Variants in CACNA2D3 observed in about 807,000 individuals in gnomAD.
The protein encoded by CACNA2D3 is voltage-dependent calcium channel subunit alpha-2/delta-3.
Under a neutral mutation model 160.6 loss-of-function variants are expected in CACNA2D3, and 60 were observed. That is an observed-to-expected ratio of 0.37 (90% CI 0.30 to 0.46). The LOEUF (loss-of-function observed/expected upper bound fraction) is 0.46, where lower values mean the gene tolerates loss of function less well. CACNA2D3 is among the 20% of genes least tolerant of loss of function. CACNA2D3 has a pLI of 1.00. For synonymous variants in CACNA2D3, 558 were observed against 492.9 expected (o/e 1.13, Z -1.75); for missense variants, 1,205 against 1,365.0 (o/e 0.88, Z 1.85).
At chr3:54,865,276 G>A (rs1385244913) in intron 17 of CACNA2D3, among the ~76,000 whole-genome samples, 1 of 152,186 alleles carries the variant, frequency 6.6e-6, no homozygotes, top group Non-Finnish European at 1.5e-5. Flanking sequence ...TTTTCACTTT[G>A]TATACTTTTC....
At chr3:54,336,124 T>C (rs1704371483) in intron 3 of CACNA2D3, among the ~76,000 whole-genome samples, 1 of 151,936 alleles carries the variant, frequency 6.6e-6, no homozygotes, top group Non-Finnish European at 1.5e-5. Context: ...AGGAGACTTG[T>C]CTGCAGGGCG....
At chr3:54,788,630 A>C (rs145656900) in intron 13 of CACNA2D3, among the ~76,000 whole-genome samples, 1 of 152,164 alleles carries the variant, frequency 6.6e-6, no homozygotes, top group South Asian at 2.1e-4. Context: ...TGACAACTCA[A>C]TGGACATTGA....
intron 9 of CACNA2D3, among the ~76,000 whole-genome samples, chr3:54,600,529 C>T (rs955011959): frequency 6.6e-6 from 1 of 152,078 alleles, no homozygotes; most frequent in Non-Finnish European, 1.5e-5. Context: ...ATCAGTATGC[C>T]CCGGTTGGAG....
chr3:54,318,710 T>TG (rs1553620827), intron 2 of CACNA2D3, among the ~76,000 whole-genome samples: 62 of 150,026 alleles, frequency 4.1e-4, no homozygotes, highest in Non-Finnish European at 7.4e-5. Flanking sequence ...TTTTTTTTTT[T>TG]CTGAGACAAG....
intron 4 of CACNA2D3, among the ~76,000 whole-genome samples, chr3:54,431,971 A>G (rs1273252195): frequency 6.6e-6 from 1 of 152,170 alleles, no homozygotes; most frequent in East Asian, 1.9e-4. Flanking sequence ...TATAAAATGC[A>G]TTGATAAAAT....
chr3:55,015,239 C>CA (rs1317475001), intron 34 of CACNA2D3, among the ~76,000 whole-genome samples: 3 of 152,118 alleles, frequency 2.0e-5, no homozygotes, highest in Non-Finnish European at 4.4e-5. Context: ...AGCAGTTAAA[C>CA]ATATACATGC....
intron 2 of CACNA2D3, among the ~76,000 whole-genome samples, chr3:54,246,798 A>G (rs1702090717): frequency 6.6e-6 from 1 of 152,158 alleles, no homozygotes; most frequent in Non-Finnish European, 1.5e-5. Flanking sequence ...TTAACACTGC[A>G]TGAGAACAAC....
At chr3:54,920,486 A>T (rs974732441) in intron 27 of CACNA2D3, among the ~76,000 whole-genome samples, 1 of 152,190 alleles carries the variant, frequency 6.6e-6, no homozygotes, top group Admixed American at 6.5e-5. Context: ...TAAAGCAGAA[A>T]GATAAAAGGG....
chr3:55,062,260 C>T (rs1704528889), intron 35 of CACNA2D3, among the ~76,000 whole-genome samples: 1 of 144,120 alleles, frequency 6.9e-6, no homozygotes, highest in African/African-American at 2.7e-5. Context: ...GCTGGGACTA[C>T]AGGCACACAT....
chr3:54,221,244 C>G (rs144069966), intron 2 of CACNA2D3, among the ~76,000 whole-genome samples: 2 of 152,302 alleles, frequency 1.3e-5, no homozygotes, highest in African/African-American at 4.8e-5. Context: ...AGCACATACT[C>G]TAAAACGTTC....
intron 11 of CACNA2D3, among the ~76,000 whole-genome samples, chr3:54,739,433 A>C (rs1177783430): frequency 1.3e-5 from 2 of 148,900 alleles, no homozygotes; most frequent in East Asian, 1.9e-4. Context: ...CTCAAAAAAA[A>C]AAAAAAAACA....
chr3:54,611,657 CTT>C (rs1698750945), intron 9 of CACNA2D3, among the ~76,000 whole-genome samples: 1 of 152,192 alleles, frequency 6.6e-6, no homozygotes, highest in African/African-American at 2.4e-5. Flanking sequence ...TATCCAGTCT[CTT>C]TGCTGACTTG....
At chr3:54,243,528 A>G (rs1224798950) in intron 2 of CACNA2D3, among the ~76,000 whole-genome samples, 2 of 152,210 alleles carry the variant, frequency 1.3e-5, no homozygotes. Context: ...TGCAGCACAA[A>G]TGATAGTATT....
At chr3:54,374,184 T>C (rs765651981) in intron 3 of CACNA2D3, among the ~76,000 whole-genome samples, 13 of 152,198 alleles carry the variant, frequency 8.5e-5, no homozygotes, top group Non-Finnish European at 1.9e-4. Context: ...TTGACAAATC[T>C]AGGAAGTGCT....
chr3:54,291,837 C>T (rs1018891389), intron 2 of CACNA2D3, among the ~76,000 whole-genome samples: 5 of 152,118 alleles, frequency 3.3e-5, no homozygotes, highest in African/African-American at 1.2e-4. Context: ...CTCATTCATT[C>T]AACTATTGAG....
intron 2 of CACNA2D3, among the ~76,000 whole-genome samples, chr3:54,149,920 T>TCG (rs1230220200): frequency 7.8e-5 from 6 of 77,262 alleles, no homozygotes; most frequent in African/African-American, 3.7e-4. Context: ...TCTCTCTCTC[T>TCG]CTCTCTCTCT....
chr3:54,848,594 CA>C (rs1698986780), intron 17 of CACNA2D3, among the ~76,000 whole-genome samples: 1 of 152,188 alleles, frequency 6.6e-6, no homozygotes, highest in Non-Finnish European at 1.5e-5. Context: ...AGGGTGATAC[CA>C]ACCGTTAAGC....
chr3:54,935,659 G>C (rs1433824348), intron 27 of CACNA2D3, among the ~76,000 whole-genome samples: 2 of 152,144 alleles, frequency 1.3e-5, no homozygotes, highest in African/African-American at 2.4e-5. Flanking sequence ...TGCAGTTCTT[G>C]TTGTTGGGTT....
At chr3:54,302,987 C>G (rs1703514053) in intron 2 of CACNA2D3, among the ~76,000 whole-genome samples, 1 of 152,020 alleles carries the variant, frequency 6.6e-6, no homozygotes, top group South Asian at 2.1e-4. Flanking sequence ...CTGGGAGTCT[C>G]TTGTCTCTGG....
Sources: allele counts gnomAD v4.1 joint callset (sites outside exome capture counted in the v4.1 genomes callset), GRCh38; gene constraint gnomAD v4.1.1; transcripts MANE v1.5; gene names NCBI Gene and HGNC (gene_info 2026-07-23, HGNC 2026-07-21).